Variants in ING5 observed in about 807,000 individuals in gnomAD.
ING5 encodes the protein inhibitor of growth family member 5.
A neutral mutation model predicts 37.4 loss-of-function variants in ING5; 17 were observed. The ratio of observed to expected loss-of-function variants is 0.45; its 90% confidence interval spans 0.31 to 0.68. ING5 has a LOEUF of 0.68. ING5 is among the 30% of genes least tolerant of loss of function. ING5 has a pLI of 0.05. For missense variants in ING5, 233 were observed against 311.9 expected (o/e 0.75, Z 1.91); for synonymous variants, 123 against 116.6 (o/e 1.06, Z -0.36).
chr2:241,711,943 C>G, intron 4 of ING5, 35 bp from the exon 5 acceptor site: 1 of 1,520,830 alleles, frequency 6.6e-7, no homozygotes, highest in Non-Finnish European at 8.9e-7. Context: ...TTAGAGAATT[C>G]TATAAAAATA....
chr2:241,704,638 G>T lies in ING5; in HGVS notation c.38-15G>T. On this transcript the variant is annotated splice_polypyrimidine_tract_variant and intron_variant, in intron 1 of 7. Coordinates refer to ENST00000313552, the MANE Select transcript of ING5 (RefSeq NM_032329.6). ...CTGCTGAGAGGTACATGGCTTCTGTGTTTTTGCGTTTCAGGTATCGAGAAC... is the reference window on the plus strand; with the variant it reads ...CTGCTGAGAGGTACATGGCTTCTGTTTTTTTGCGTTTCAGGTATCGAGAAC... The T allele has an allele frequency of 6.2e-7, 1 of 1,612,472 alleles. No homozygotes were observed. The highest frequency in any genetic ancestry group is 8.5e-7 in the Non-Finnish European group (1 of 1,178,498).
chr2:241,700,347 T>C (rs2069696936), upstream of ING5, among the ~76,000 whole-genome samples: 1 of 151,124 alleles, frequency 6.6e-6, no homozygotes, highest in South Asian at 2.1e-4. Flanking sequence ...TTAGTAGAGA[T>C]GGGGTTTCAC....
In ING5 at chr2:241,725,353, C is replaced by G. The variant is rs915409970; in HGVS notation, c.*322C>G. The G allele has an allele frequency of 3.0e-5, 11 of 364,774 alleles. No individual in the cohort carries two copies. Among genetic ancestry groups the G allele is most frequent in the African/African-American group, 1.7e-4 (8 of 46,630 alleles). The allele number at this position is 364,774 out of a possible 1,614,324, so 22.6% of individuals were successfully genotyped here. ...GGCGTGCGGGCGGGGACATGGTAAC[C>G]TGGTCCACGGAGGGCGGCCGCCACC... On this transcript the variant is annotated 3_prime_UTR_variant, in exon 8 of 8. Coordinates refer to ENST00000313552, the MANE Select transcript of ING5 (RefSeq NM_032329.6).
chr2:241,719,274 G>A lies in ING5; in HGVS notation c.483-3665G>A, dbSNP rs566058522. ...GGACTATAAATGTCGGTGGGGACGC[G>A]GCCGCCATGTGTGGCTGTGTGGGCT... On this transcript the variant is annotated intron_variant, in intron 5 of 7. Coordinates refer to ENST00000313552, the MANE Select transcript of ING5 (RefSeq NM_032329.6). Among the ~76,000 whole-genome samples, 28 of 152,332 alleles carry A rather than the reference G, an allele frequency of 1.8e-4. No homozygotes were observed. In the South Asian group the frequency reaches 5.6e-3, roughly 30 times the overall value.
At chr2:241,702,517 C>G (rs972007509) in intron 1 of ING5, among the ~76,000 whole-genome samples, 1 of 122,700 alleles carries the variant, frequency 8.1e-6, no homozygotes, top group Admixed American at 8.0e-5. Flanking sequence ...CTGCGGGGCT[C>G]CGGGCCTTGG....
chr2:241,718,959 A>G (rs2070353939), intron 5 of ING5, among the ~76,000 whole-genome samples: 1 of 152,222 alleles, frequency 6.6e-6, no homozygotes, highest in African/African-American at 2.4e-5. Flanking sequence ...GACTTTAGAT[A>G]TAAAGGAAGC....
chr2:241,696,436 CAG>C (rs2069631308), intron 2 of ING5, among the ~76,000 whole-genome samples: 2 of 151,756 alleles, frequency 1.3e-5, no homozygotes, highest in South Asian at 4.2e-4. Flanking sequence ...AAAAACAAAA[CAG>C]AATGAAAAGT....
rs565211948 is a variant in ING5 at position 241,728,461 on chromosome 2, G to A, written c.*3430G>A. 230 of 152,898 alleles carry A rather than the reference G, an allele frequency of 1.5e-3. 1 individual carries two copies. The highest frequency in any genetic ancestry group is 5.4e-3 in the African/African-American group (225 of 41,584). 9.5% of individuals were successfully genotyped at this position (152,898 alleles called of 1,614,324 possible). A position where few individuals can be genotyped will look rare whatever the true frequency, so the allele number is the denominator to read the frequency against. On this transcript the variant is annotated 3_prime_UTR_variant, in exon 8 of 8. Coordinates refer to ENST00000313552, the MANE Select transcript of ING5 (RefSeq NM_032329.6). ...CCTCTGTGGCTGTGCGATTGACCTC[G>A]ATGGGAAGGAGCGTTCTACCCATTT... is the stretch of plus-strand genomic sequence containing the variant.
chr2:241,707,700 A>G (rs2069966371), intron 2 of ING5, among the ~76,000 whole-genome samples: 1 of 152,238 alleles, frequency 6.6e-6, no homozygotes, highest in Non-Finnish European at 1.5e-5. Flanking sequence ...ACATATATTC[A>G]GGAAATGAAT....
exon 1 of ING5, chr2:241,687,262 A>T: frequency 2.5e-6 from 1 of 397,958 alleles, no homozygotes; most frequent in Non-Finnish European, 4.4e-6. Flanking sequence ...GGCTCCGGTC[A>T]CGCGGCGCGC....
chr2:241,721,759 A>G, intron 5 of ING5: 1 of 985,448 alleles, frequency 1.0e-6, no homozygotes, highest in Non-Finnish European at 1.2e-6. Flanking sequence ...TGCAGCTTGT[A>G]AGTTTATTTG....
rs1169318901 is a variant in ING5 at position 241,712,223 on chromosome 2, T to C, written c.482+152T>C. On this transcript the variant is annotated intron_variant, in intron 5 of 7. Transcript: ENST00000313552. ...TTACGCTGCGCGCCTGTCGTCAGCCTGTCCTCACCGCAGCCTTTGAGGGGG... is the reference window on the plus strand; with the variant it reads ...TTACGCTGCGCGCCTGTCGTCAGCCCGTCCTCACCGCAGCCTTTGAGGGGG... 1.4e-5 allele frequency: 9 copies of C among 643,024 alleles called. No individual in the cohort carries two copies. The African/African-American group carries it at 1.5e-4, about 11-fold the overall frequency. 39.8% of individuals were successfully genotyped at this position (643,024 alleles called of 1,614,324 possible).
At chr2:241,720,131 C>A in intron 5 of ING5, 1 of 1,237,510 alleles carries the variant, frequency 8.1e-7, no homozygotes, top group Non-Finnish European at 1.0e-6. Context: ...GAGGACCAGT[C>A]GGTTGGACCC....
chr2:241,722,518 T>C (rs1242142135), intron 5 of ING5: 37 of 985,336 alleles, frequency 3.8e-5, no homozygotes, highest in Non-Finnish European at 4.3e-5. Flanking sequence ...TGCCAGCTGC[T>C]GCTGTTCCTG....
intron 4 of ING5, chr2:241,711,762 G>A (rs2070119105): frequency 5.1e-6 from 3 of 586,918 alleles, no homozygotes; most frequent in East Asian, 2.9e-5. Context: ...TTAGCCAGGT[G>A]TGGTGGTGCA....
At position 241,704,596 on chromosome 2, in the gene ING5, G is replaced by A; in HGVS notation, c.38-57G>A. Reference sequence around the variant, plus strand: ...AAAAAAAAGACAGAAAACCTTTGGAGGTGAATTTTTGTCTTGCTGCTGAGA... The same window carrying A: ...AAAAAAAAGACAGAAAACCTTTGGAAGTGAATTTTTGTCTTGCTGCTGAGA... On this transcript the variant is annotated intron_variant, in intron 1 of 7. Transcript: ENST00000313552. The A allele has an allele frequency of 2.9e-6, 4 of 1,374,934 alleles. No homozygotes were observed. The South Asian group carries it at 3.5e-5, about 12-fold the overall frequency. 85.2% of individuals were successfully genotyped at this position (1,374,934 alleles called of 1,614,324 possible).
intron 2 of ING5, among the ~76,000 whole-genome samples, chr2:241,705,985 C>T (rs1288001379): frequency 1.3e-5 from 2 of 152,154 alleles, no homozygotes; most frequent in African/African-American, 4.8e-5. Context: ...TTTGGAATAA[C>T]TTTGTGTATT....
At chr2:241,720,532 C>T (rs1406946378) in intron 5 of ING5, 38 of 990,814 alleles carry the variant, frequency 3.8e-5, no homozygotes, top group Non-Finnish European at 4.3e-5. Context: ...CTTGCTCTGG[C>T]GAGGCAGAAC....
At chr2:241,703,656 G>T (rs1384611196) in intron 1 of ING5, among the ~76,000 whole-genome samples, 7 of 151,942 alleles carry the variant, frequency 4.6e-5, no homozygotes, top group African/African-American at 1.7e-4. Context: ...CTGTTGCCCA[G>T]GTTGGAGGGT....
Sources: allele counts gnomAD v4.1 joint callset (sites outside exome capture counted in the v4.1 genomes callset), GRCh38; gene constraint gnomAD v4.1.1; transcripts MANE v1.5; gene names NCBI Gene and HGNC (gene_info 2026-07-23, HGNC 2026-07-21).